Variants in TENM1 observed in about 807,000 individuals in gnomAD.
The protein encoded by TENM1 is teneurin-1.
Under a neutral mutation model 174.8 loss-of-function variants are expected in TENM1, and 35 were observed. The ratio of observed to expected loss-of-function variants is 0.20; its 90% confidence interval spans 0.15 to 0.27. The LOEUF (loss-of-function observed/expected upper bound fraction) is 0.27, where lower values mean the gene tolerates loss of function less well. TENM1 is among the 10% of genes least tolerant of loss of function. The pLI, the probability that TENM1 is intolerant of heterozygous loss-of-function variation, is 1.00. For synonymous variants in TENM1, 781 were observed against 798.7 expected, an observed-to-expected ratio of 0.98 and a Z score of 0.37; for missense variants, 1,633 against 2,130.1, an observed-to-expected ratio of 0.77 and a Z score of 4.59.
chrX:125,068,296 A>G, the TENM1 span, among the ~76,000 whole-genome samples: 1 of 111,767 alleles, frequency 8.9e-6, no homozygotes, highest in Non-Finnish European at 1.9e-5. Flanking sequence ...GACTTAATTA[A>G]CGGAATGGGG....
At chrX:124,979,550 A>T in the TENM1 span, among the ~76,000 whole-genome samples, 1 of 111,807 alleles carries the variant, frequency 8.9e-6, no homozygotes, top group African/African-American at 3.2e-5. Flanking sequence ...TATATTTTTT[A>T]AATTAATTTC....
At chrX:124,498,004 A>T (rs2047240406) in intron 19 of TENM1, among the ~76,000 whole-genome samples, 1 of 111,035 alleles carries the variant, frequency 9.0e-6, no homozygotes, top group African/African-American at 3.3e-5. Flanking sequence ...TTCCTTCTAG[A>T]CCTCTTTACT....
intron 6 of TENM1, 124 bp downstream of exon 9, chrX:124,671,559 C>T: frequency 1.4e-6 from 1 of 690,681 alleles, no homozygotes; most frequent in South Asian, 3.3e-5. Flanking sequence ...TTTATTCTGT[C>T]CACGTAGAGG....
At chrX:124,959,946 C>T (rs996550783) in intron 1 of TENM1, among the ~76,000 whole-genome samples, 5 of 111,570 alleles carry the variant, frequency 4.5e-5, no homozygotes, top group African/African-American at 1.6e-4. Flanking sequence ...TCAGTGGCCT[C>T]ACAGATTTTT....
intron 3 of TENM1, among the ~76,000 whole-genome samples, chrX:124,756,203 T>C (rs1431754705): frequency 1.9e-5 from 2 of 102,913 alleles, no homozygotes; most frequent in Non-Finnish European, 3.8e-5. Flanking sequence ...TATTTTTTTT[T>C]TCTCTAAACT....
chrX:124,894,402 A>G (rs890655253), intron 2 of TENM1, 50 bp from the exon 6 acceptor site: 1 of 995,169 alleles, frequency 1.0e-6, no homozygotes, highest in African/African-American at 1.9e-5. Flanking sequence ...GTCATCTGCA[A>G]TTCCTCAAAC....
chrX:124,423,586 C>T (rs1407619827), intron 23 of TENM1, among the ~76,000 whole-genome samples: 1 of 110,805 alleles, frequency 9.0e-6, no homozygotes, highest in African/African-American at 3.3e-5. Flanking sequence ...AAGATATTCC[C>T]AGAGCAGGTG....
the TENM1 span, among the ~76,000 whole-genome samples, chrX:125,013,834 T>C: frequency 8.9e-6 from 1 of 112,104 alleles, no homozygotes; most frequent in Non-Finnish European, 1.9e-5. Flanking sequence ...AACTCTGGAC[T>C]ACTACAACAT....
At chrX:124,640,448 G>A (rs1407531802) in intron 11 of TENM1, among the ~76,000 whole-genome samples, 1 of 111,767 alleles carries the variant, frequency 8.9e-6, no homozygotes, top group Non-Finnish European at 1.9e-5. Flanking sequence ...TGCTTACCAC[G>A]TCATTTTACA....
exon 25 of TENM1, chrX:124,420,685 A>G: frequency 8.3e-7 from 1 of 1,211,765 alleles, no homozygotes; most frequent in South Asian, 1.8e-5. Flanking sequence ...TGTTCATGTC[A>G]TTCAGGTGGG....
intron 1 of TENM1, among the ~76,000 whole-genome samples, chrX:124,957,707 G>A (rs780353139): frequency 4.5e-5 from 5 of 110,974 alleles, no homozygotes; most frequent in African/African-American, 1.6e-4. Context: ...AATGCTATTC[G>A]GAGAAAAAGA....
chrX:124,416,430 C>CT (rs754042426), intron 25 of TENM1, among the ~76,000 whole-genome samples: 282 of 112,164 alleles, frequency 2.5e-3, no homozygotes, highest in African/African-American at 8.8e-3. Flanking sequence ...AACTTCATTT[C>CT]TTTTTATGGC....
chrX:124,397,458 G>A (rs1158589182), intron 27 of TENM1, among the ~76,000 whole-genome samples: 1 of 112,024 alleles, frequency 8.9e-6, no homozygotes, highest in Non-Finnish European at 1.9e-5. Context: ...TTAAGGAGGA[G>A]AAGGCTGAAT....
intron 1 of TENM1, among the ~76,000 whole-genome samples, chrX:124,901,490 T>G (rs2057663504): frequency 9.0e-6 from 1 of 111,378 alleles, no homozygotes; most frequent in Admixed American, 9.6e-5. Flanking sequence ...GTTTTGTTTG[T>G]TTGAGACAGG....
At chrX:124,565,544 C>A in exon 12 of TENM1, 2 of 1,203,024 alleles carry the variant, frequency 1.7e-6, no homozygotes, top group Non-Finnish European at 2.2e-6. Context: ...GGCTACCACA[C>A]TCCATGGTAC....
chrX:124,586,792 T>C (rs1467523417), intron 11 of TENM1, among the ~76,000 whole-genome samples: 9 of 106,428 alleles, frequency 8.5e-5, no homozygotes, highest in African/African-American at 1.4e-4. Flanking sequence ...GAAAACCCCA[T>C]TGTCTCAGCC....
chrX:124,875,231 T>C (rs977559667), intron 3 of TENM1, among the ~76,000 whole-genome samples: 5 of 111,348 alleles, frequency 4.5e-5, no homozygotes, highest in African/African-American at 1.6e-4. Context: ...TGTTGTACTT[T>C]TTGCTTGTTT....
chrX:125,144,402 T>C, the TENM1 span, among the ~76,000 whole-genome samples: 1 of 111,473 alleles, frequency 9.0e-6, no homozygotes, highest in Admixed American at 9.6e-5. Context: ...CATGTCTGCC[T>C]ACAGAACACT....
the TENM1 span, among the ~76,000 whole-genome samples, chrX:124,978,331 C>T: frequency 8.9e-6 from 1 of 111,800 alleles, no homozygotes; most frequent in Admixed American, 9.5e-5. Context: ...ATTGCAAAAG[C>T]TGGAGACACT....
Sources: gnomAD v4.1 joint callset for allele counts (sites outside exome capture counted in the v4.1 genomes callset) on GRCh38, gnomAD v4.1.1 for gene constraint, MANE v1.5 for transcripts, NCBI Gene and HGNC (gene_info 2026-07-23, HGNC 2026-07-21) for gene names.